The following ACAD11 variants were observed in gnomAD, a reference collection of about 807,000 sequenced individuals.
ACAD11 encodes acyl-Coenzyme A dehydrogenase family, member 11.
Under a neutral mutation model 102.2 loss-of-function variants are expected in ACAD11, and 83 were observed. The ratio of observed to expected loss-of-function variants is 0.81; its 90% CI spans 0.68 to 0.97. ACAD11 has a LOEUF of 0.97. Among genes scored for constraint, ACAD11 ranks in the 50% least tolerant of loss-of-function variants. The pLI is 0.00. For synonymous variants in ACAD11, 324 were observed against 319.8 expected (o/e 1.01, Z -0.14); for missense variants, 901 against 951.7 (o/e 0.95, Z 0.70).
chr3:132,599,456 G>A (rs886479484), intron 13 of ACAD11, among the ~76,000 whole-genome samples: 18 of 151,672 alleles, frequency 1.2e-4, no homozygotes, highest in South Asian at 2.1e-4. Flanking sequence ...GCAGTGAGCC[G>A]AGATTGTCCA....
At chr3:132,585,007 A>G (rs975283860) in intron 13 of ACAD11, among the ~76,000 whole-genome samples, 1 of 152,176 alleles carries the variant, frequency 6.6e-6, no homozygotes, top group Non-Finnish European at 1.5e-5. Context: ...TAAAGTTCAT[A>G]TGGAACCAAA....
intron 11 of ACAD11, among the ~76,000 whole-genome samples, chr3:132,606,695 G>A (rs1938851764): frequency 6.6e-6 from 1 of 152,220 alleles, no homozygotes; most frequent in African/African-American, 2.4e-5. Context: ...GGGTGGCTGT[G>A]GGCGCGGCTT....
chr3:132,600,786 T>C, intron 13 of ACAD11: 2 of 1,614,066 alleles, frequency 1.2e-6, no homozygotes, highest in Non-Finnish European at 1.7e-6. Flanking sequence ...ATGCAGTTTC[T>C]GGCTTGTATC....
intron 1 of ACAD11, chr3:132,654,566 T>A (rs1453045387): frequency 1.3e-5 from 2 of 152,202 alleles, no homozygotes; most frequent in Non-Finnish European, 2.9e-5. Context: ...TAAAAGCCAA[T>A]CATGGCTGAG....
Position 132,649,436 on chromosome 3 carries a change from G to A in ACAD11, c.150-4540C>T, listed in dbSNP as rs577770467. On this transcript the variant is annotated intron_variant, in intron 1 of 19. Transcript: ENST00000264990. ...CTGTTACTCTTTACTCTACTGAGAT[G>A]TTTGGGTGGAGAAAAGCATAAATCT... 7.2e-5 allele frequency among the ~76,000 whole-genome samples: 11 copies of A among 152,210 alleles called. No homozygotes were observed. In the South Asian group the frequency reaches 2.3e-3, roughly 32 times the overall value.
Position 132,579,542 on chromosome 3 carries a change from C to T in ACAD11, c.1638G>A (p.Lys546=). Residue 546 remains lysine, a synonymous_variant, in exon 14 of 20, where the codon AAG becomes AAA. Coordinates refer to ENST00000264990, the MANE Select transcript of ACAD11 (RefSeq NM_032169.5). ...KWWSSGAGNP[K]CKIAIVLGRT... ...TTCCCAAAACAATTGCAATTTTGCACTTGGGATTCCCAGCTCCTAAAACCA... is the reference window on the plus strand; with the variant it reads ...TTCCCAAAACAATTGCAATTTTGCATTTGGGATTCCCAGCTCCTAAAACCA... The T allele has an allele frequency of 6.2e-7, 1 of 1,612,966 alleles. No homozygotes were observed. Among genetic ancestry groups the T allele is most frequent in the East Asian group, 2.2e-5 (1 of 44,792 alleles).
At chr3:132,569,583 G>A (rs961111847) in intron 17 of ACAD11, among the ~76,000 whole-genome samples, 1 of 152,068 alleles carries the variant, frequency 6.6e-6, no homozygotes, top group African/African-American at 2.4e-5. Flanking sequence ...CCCTCAACAG[G>A]TAAAAACAGT....
intron 11 of ACAD11, among the ~76,000 whole-genome samples, chr3:132,611,955 C>T (rs571404751): frequency 8.5e-5 from 13 of 152,058 alleles, no homozygotes; most frequent in East Asian, 3.9e-4. Context: ...GGAGGCATCA[C>T]GCTACCTGAC....
At chr3:132,572,625 G>T (rs1937412888) in intron 17 of ACAD11, among the ~76,000 whole-genome samples, 1 of 152,152 alleles carries the variant, frequency 6.6e-6, no homozygotes, top group African/African-American at 2.4e-5. Flanking sequence ...GAGGCATAAT[G>T]TTACTTGACT....
At chr3:132,629,129 G>A (rs1365769212) in intron 7 of ACAD11, among the ~76,000 whole-genome samples, 2 of 152,066 alleles carry the variant, frequency 1.3e-5, no homozygotes, top group African/African-American at 4.8e-5. Context: ...CATCTCCAAA[G>A]CTACTACATG....
intron 17 of ACAD11, among the ~76,000 whole-genome samples, chr3:132,572,586 G>C (rs533020049): frequency 6.6e-6 from 1 of 152,152 alleles, no homozygotes; most frequent in Non-Finnish European, 1.5e-5. Flanking sequence ...AAATAGCCAA[G>C]GCACTCCTAA....
chr3:132,618,672 C>A lies in ACAD11; in HGVS notation c.1376G>T (p.Cys459Phe). The A allele has an allele frequency of 6.2e-7, 1 of 1,606,802 alleles. No homozygotes were observed. The highest frequency in any genetic ancestry group is 8.5e-7 in the Non-Finnish European group (1 of 1,177,176). The change falls in exon 11 of 20, where the codon TGC (cysteine) becomes TTC (phenylalanine). Residue 459 changes from cysteine to phenylalanine, a missense_variant. Physicochemically the swap from Cys to Phe is radical, Grantham distance 205 (BLOSUM62 -2). Transcript: ENST00000264990. Reference sequence around the variant, plus strand: ...GTTAAAGACATCTGGAGCAAAAAAGCATTTTCCTGTTTCTTCAGCAATCAA... The same window carrying A: ...GTTAAAGACATCTGGAGCAAAAAAGAATTTTCCTGTTTCTTCAGCAATCAA... The part of the protein sequence containing the change: ...YALIAEETGK[C>F]FFAPDVFNCQ...
At position 132,659,765 on chromosome 3, in the gene ACAD11, G is replaced by A; in HGVS notation, c.-14C>T. On this transcript the variant is annotated 5_prime_UTR_variant, in exon 1 of 20. Transcript: ENST00000264990. ...ACCTGGCTTCATGATCACCCCCGCA[G>A]GCCACAGCAACGCGGCATCCACAGG... 1.3e-6 allele frequency: 2 copies of A among 1,581,690 alleles called. No individual in the cohort carries two copies. The highest frequency in any genetic ancestry group is 1.1e-5 in the South Asian group (1 of 87,864).
chr3:132,562,675 C>T lies in ACAD11; in HGVS notation c.2002-1458G>A, dbSNP rs539381408. Among the ~76,000 whole-genome samples, 8 of 152,312 alleles carry T rather than the reference C, an allele frequency of 5.3e-5. No individual in the cohort carries two copies. In the South Asian group the frequency reaches 1.4e-3, roughly 28 times the overall value. The stretch of plus-strand genomic sequence containing the variant: ...GTTTTAATTTGCATTTCTGTAATGG[C>T]TACTGCTGTTGATCCCCTTCAATGT... On this transcript the variant is annotated intron_variant, in intron 17 of 19. Transcript: ENST00000264990.
chr3:132,644,241 C>T (rs918055289), intron 2 of ACAD11, among the ~76,000 whole-genome samples: 1 of 152,124 alleles, frequency 6.6e-6, no homozygotes, highest in African/African-American at 2.4e-5. Context: ...TGATTTCTGT[C>T]CCCTCCTGTT....
chr3:132,582,524 T>C (rs1440607136), intron 13 of ACAD11, among the ~76,000 whole-genome samples: 2 of 151,984 alleles, frequency 1.3e-5, no homozygotes, highest in Non-Finnish European at 2.9e-5. Context: ...ACTGAGAGGC[T>C]TGTTGAGTGA....
intron 13 of ACAD11, among the ~76,000 whole-genome samples, chr3:132,597,579 T>C (rs1325941315): frequency 1.3e-5 from 2 of 152,120 alleles, no homozygotes; most frequent in Non-Finnish European, 2.9e-5. Context: ...ATAGGTTTTA[T>C]TATACCACTT....
At chr3:132,623,117 C>T (rs943989454) in intron 9 of ACAD11, among the ~76,000 whole-genome samples, 6 of 152,082 alleles carry the variant, frequency 3.9e-5, no homozygotes, top group African/African-American at 1.4e-4. Flanking sequence ...AAGGGTTATG[C>T]TCTCACTTTA....
chr3:132,601,866 T>C lies in ACAD11; in HGVS notation c.1621+1363A>G, dbSNP rs1443627838. The C allele has an allele frequency of 1.4e-5, 4 of 278,908 alleles. No individual in the cohort carries two copies. The East Asian group carries it at 3.2e-4, about 22-fold the overall frequency. The allele number at this position is 278,908 out of a possible 1,614,324, so 17.3% of individuals were successfully genotyped here. A position where few individuals can be genotyped will look rare whatever the true frequency, so the allele number is the denominator to read the frequency against. On this transcript the variant is annotated intron_variant, in intron 13 of 19. Transcript: ENST00000264990. Reference sequence around the variant, plus strand: ...AGTATAATTATGTAAGATGGAACCATTGGGGAAAACTGGGTGAAGGGTACC... The same window carrying C: ...AGTATAATTATGTAAGATGGAACCACTGGGGAAAACTGGGTGAAGGGTACC...
Sources: gnomAD v4.1 joint callset for allele counts (sites outside exome capture counted in the v4.1 genomes callset) on GRCh38, gnomAD v4.1.1 for gene constraint, MANE v1.5 for transcripts, NCBI Gene and HGNC (gene_info 2026-07-23, HGNC 2026-07-21) for gene names.